Variants in RGS7 observed in about 807,000 individuals in gnomAD.
The protein encoded by RGS7 is regulator of G-protein signaling 7.
In RGS7, 27 loss-of-function variants were observed where a neutral mutation model predicts 81.1. That is an observed-to-expected ratio of 0.33 (90% CI 0.25 to 0.46). The LOEUF is 0.46. RGS7 is among the 20% of genes least tolerant of loss of function. The pLI, the probability that RGS7 is intolerant of heterozygous loss-of-function variation, is 1.00. For missense variants in RGS7, 396 were observed against 607.4 expected (o/e 0.65, Z 3.66); for synonymous variants, 208 against 207.7 (o/e 1.00, Z -0.01).
chr1:241,199,569 C>T (rs1056583220), intron 2 of RGS7, among the ~76,000 whole-genome samples: 1 of 151,066 alleles, frequency 6.6e-6, no homozygotes, highest in Non-Finnish European at 1.5e-5. Context: ...TTGACATGTA[C>T]AAGAGGTCCT....
intron 2 of RGS7, among the ~76,000 whole-genome samples, chr1:241,125,217 C>CA (rs2066566149): frequency 6.6e-6 from 1 of 152,140 alleles, no homozygotes; most frequent in Admixed American, 6.5e-5. Flanking sequence ...TCTGGGCCTG[C>CA]ACCATGCAGA....
chr1:241,278,928 G>C (rs2078346543), intron 2 of RGS7, among the ~76,000 whole-genome samples: 1 of 152,078 alleles, frequency 6.6e-6, no homozygotes. Context: ...ATTTTCTGGA[G>C]AAAAGAATGG....
intron 2 of RGS7, among the ~76,000 whole-genome samples, chr1:241,189,846 T>G (rs2072458689): frequency 6.6e-6 from 1 of 152,212 alleles, no homozygotes; most frequent in East Asian, 1.9e-4. Flanking sequence ...CTGGGCGCGG[T>G]GGCTCACGTC....
intron 3 of RGS7, among the ~76,000 whole-genome samples, chr1:241,023,111 T>C (rs2059618221): frequency 1.8e-5 from 1 of 56,498 alleles, no homozygotes; most frequent in Non-Finnish European, 4.1e-5. Flanking sequence ...AATAAAATCA[T>C]GTAAAATTTA....
At chr1:241,004,971 G>T (rs2058608669) in intron 3 of RGS7, among the ~76,000 whole-genome samples, 1 of 152,146 alleles carries the variant, frequency 6.6e-6, no homozygotes, top group South Asian at 2.1e-4. Context: ...GCTGCTTCAG[G>T]GTATTGCATT....
rs528849371 is a variant in RGS7, at chr1:241,179,093, T to C, written c.79-80331A>G. On this transcript the variant is annotated intron_variant, in intron 2 of 18. Transcript: ENST00000440928. ...AATCAAACAATAGTTTAATGTTTAG[T>C]ATGTTTGTTTGTTTGTTTTGAGACA... is the stretch of plus-strand genomic sequence containing the variant. Among the ~76,000 whole-genome samples the C allele has an allele frequency of 7.9e-5, 12 of 152,296 alleles. No individual in the cohort carries two copies. The South Asian group carries it at 2.5e-3, about 32-fold the overall frequency.
intron 2 of RGS7, among the ~76,000 whole-genome samples, chr1:241,273,196 A>C (rs1429215808): frequency 8.3e-6 from 1 of 121,074 alleles, no homozygotes; most frequent in Non-Finnish European, 1.7e-5. Flanking sequence ...CAAAGGATAC[A>C]CTCCTTCTTC....
intron 3 of RGS7, among the ~76,000 whole-genome samples, chr1:241,025,855 A>G (rs1215956248): frequency 1.3e-5 from 2 of 152,214 alleles, no homozygotes; most frequent in Non-Finnish European, 2.9e-5. Context: ...CAGTGGACTC[A>G]CTTTCTGGAA....
Position 240,818,632 on chromosome 1 carries a change from T to TGTCA in RGS7, c.685-2221_685-2218dup, listed in dbSNP as rs565458398. On this transcript the variant is annotated intron_variant, in intron 10 of 18. Transcript: ENST00000440928. Reference sequence around the variant, plus strand: ...TCAGCCTTTATAGAACAAGAAATTCTGTCATTTGCAATAACATGGATGAGC... The same window carrying TGTCA: ...TCAGCCTTTATAGAACAAGAAATTCTGTCAGTCATTTGCAATAACATGGATGAGC... Among the ~76,000 whole-genome samples, 8 of 152,348 alleles carry TGTCA rather than the reference T, an allele frequency of 5.3e-5. No homozygotes were observed. In the South Asian group the frequency reaches 1.7e-3, roughly 32 times the overall value.
chr1:240,821,158 A>G (rs1460587578), intron 10 of RGS7, among the ~76,000 whole-genome samples: 5 of 152,158 alleles, frequency 3.3e-5, no homozygotes, highest in Non-Finnish European at 5.9e-5. Flanking sequence ...ATGAATCAGA[A>G]AAGTCCCCTC....
intron 3 of RGS7, among the ~76,000 whole-genome samples, chr1:241,047,410 C>T (rs1328488819): frequency 6.6e-6 from 1 of 152,136 alleles, no homozygotes; most frequent in East Asian, 1.9e-4. Flanking sequence ...TTCCCTCCCA[C>T]CTTTCTTCTC....
chr1:241,353,747 G>C (rs1226871147), intron 2 of RGS7, among the ~76,000 whole-genome samples: 2 of 152,094 alleles, frequency 1.3e-5, no homozygotes, highest in Admixed American at 6.5e-5. Flanking sequence ...TAAAAAATGA[G>C]GTAGTACATT....
At chr1:241,242,229 A>G (rs1017674422) in intron 2 of RGS7, among the ~76,000 whole-genome samples, 1 of 151,862 alleles carries the variant, frequency 6.6e-6, no homozygotes, top group South Asian at 2.1e-4. Context: ...CAGTTACTTT[A>G]TTTAGAATAT....
At chr1:241,089,696 A>C (rs150032916) in intron 3 of RGS7, among the ~76,000 whole-genome samples, 1 of 152,248 alleles carries the variant, frequency 6.6e-6, no homozygotes, top group African/African-American at 2.4e-5. Context: ...TTCTCCTGTT[A>C]ATCTGTCTTT....
At chr1:241,279,158 G>A (rs1219458533) in intron 2 of RGS7, among the ~76,000 whole-genome samples, 1 of 151,366 alleles carries the variant, frequency 6.6e-6, no homozygotes, top group Non-Finnish European at 1.5e-5. Context: ...ACTTTATAAT[G>A]TAACATAATA....
chr1:241,270,898 A>G (rs1422716919), intron 2 of RGS7, among the ~76,000 whole-genome samples: 4 of 130,646 alleles, frequency 3.1e-5, no homozygotes, highest in Admixed American at 2.5e-4. Context: ...AGCTGGGGCT[A>G]CAGGAGCCCA....
intron 3 of RGS7, among the ~76,000 whole-genome samples, chr1:241,065,080 A>C (rs2061982436): frequency 6.6e-6 from 1 of 152,104 alleles, no homozygotes; most frequent in Non-Finnish European, 1.5e-5. Context: ...ATACACCTCC[A>C]CCACTTATTA....
At chr1:241,218,641 A>C (rs754854924) in intron 2 of RGS7, among the ~76,000 whole-genome samples, 11 of 151,828 alleles carry the variant, frequency 7.2e-5, no homozygotes, top group Non-Finnish European at 1.6e-4. Flanking sequence ...CCAGAATTAC[A>C]ATTTTTGTTT....
At chr1:240,885,810 T>A (rs912128533) in intron 6 of RGS7, among the ~76,000 whole-genome samples, 1 of 152,120 alleles carries the variant, frequency 6.6e-6, no homozygotes, top group African/African-American at 2.4e-5. Flanking sequence ...CCAGGCTTAA[T>A]ACCTGGGTAA....
Sources: gnomAD v4.1 joint callset for allele counts (sites outside exome capture counted in the v4.1 genomes callset) on GRCh38, gnomAD v4.1.1 for gene constraint, MANE v1.5 for transcripts, NCBI Gene and HGNC (gene_info 2026-07-23, HGNC 2026-07-21) for gene names.